Variants in OSBP2 observed in about 807,000 individuals in gnomAD.
OSBP2 encodes the protein oxysterol binding protein 2.
In OSBP2, 66 loss-of-function variants were observed where a neutral mutation model predicts 96.0. The ratio of observed to expected loss-of-function variants is 0.69; its 90% CI spans 0.56 to 0.84. The LOEUF is 0.84. OSBP2 is among the 40% of genes least tolerant of loss of function. The probability of loss-of-function intolerance (pLI) is 0.00; values close to 1 mark genes in which losing one functional copy is unlikely to be tolerated. For synonymous variants in OSBP2, 525 were observed against 520.9 expected (o/e 1.01, Z -0.11); for missense variants, 1,038 against 1,222.7 (o/e 0.85, Z 2.25).
At chr22:30,857,404 G>A (rs1434958530) in intron 2 of OSBP2, among the ~76,000 whole-genome samples, 1 of 152,204 alleles carries the variant, frequency 6.6e-6, no homozygotes, top group Non-Finnish European at 1.5e-5. Context: ...ACAGATGGAC[G>A]CTTTAAGCTG....
chr22:30,815,936 T>C (rs1265914758), intron 2 of OSBP2, among the ~76,000 whole-genome samples: 1 of 152,172 alleles, frequency 6.6e-6, no homozygotes, highest in Non-Finnish European at 1.5e-5. Context: ...TTTGCTTCTC[T>C]CGAATTATTT....
chr22:30,730,072 C>T (rs551772463), intron 1 of OSBP2, among the ~76,000 whole-genome samples: 9 of 152,188 alleles, frequency 5.9e-5, no homozygotes, highest in African/African-American at 1.4e-4. Flanking sequence ...AAGCGATTCT[C>T]GTGTCTCAGC....
chr22:30,887,910 T>TG (rs2039851584), intron 4 of OSBP2, among the ~76,000 whole-genome samples: 2 of 152,144 alleles, frequency 1.3e-5, no homozygotes, highest in Non-Finnish European at 2.9e-5. Context: ...AGCCTTGGGT[T>TG]GGGGGTCATG....
At chr22:30,781,142 ATTTT>A (rs136305) in intron 2 of OSBP2, among the ~76,000 whole-genome samples, 2 of 133,676 alleles carry the variant, frequency 1.5e-5, no homozygotes. Flanking sequence ...TGCCTGGCTA[ATTTT>A]TTTTTTTTTT....
intron 2 of OSBP2, among the ~76,000 whole-genome samples, chr22:30,802,805 G>A (rs1227279964): frequency 6.6e-6 from 1 of 152,248 alleles, no homozygotes; most frequent in African/African-American, 2.4e-5. Flanking sequence ...GCGGTGGGGA[G>A]GAGGCTGGAG....
rs1478562765 is a variant in OSBP2 at position 30,889,240 on chromosome 22, T to G, written c.1476+6T>G. On this transcript the variant is annotated splice_donor_region_variant and intron_variant, in intron 6 of 13. Coordinates refer to ENST00000332585, the MANE Select transcript of OSBP2 (RefSeq NM_030758.4). Reference sequence around the variant, plus strand: ...ACTGGAGCTCAGCAGACAATGTAAGTGAGGGGGAGCACTGTAAGGGCCAGA... The same window carrying G: ...ACTGGAGCTCAGCAGACAATGTAAGGGAGGGGGAGCACTGTAAGGGCCAGA... The G allele has an allele frequency of 1.2e-6, 2 of 1,609,394 alleles. No individual in the cohort carries two copies. Among genetic ancestry groups the G allele is most frequent in the South Asian group, 2.2e-5 (2 of 90,818 alleles).
intron 2 of OSBP2, among the ~76,000 whole-genome samples, chr22:30,809,764 A>G (rs902620731): frequency 2.6e-5 from 4 of 152,230 alleles, no homozygotes; most frequent in African/African-American, 4.8e-5. Context: ...AGGGGTACAC[A>G]TGGAAGCTGA....
intron 1 of OSBP2, among the ~76,000 whole-genome samples, chr22:30,698,386 T>C (rs2089090119): frequency 6.6e-6 from 1 of 152,088 alleles, no homozygotes; most frequent in Non-Finnish European, 1.5e-5. Flanking sequence ...CAGGGCCATT[T>C]CTCTTGCTGG....
Position 30,905,929 on chromosome 22 carries a change from G to T in OSBP2, c.2468G>T (p.Arg823Leu). 1 of 1,612,948 alleles carries T rather than the reference G, an allele frequency of 6.2e-7. No individual in the cohort carries two copies. Among genetic ancestry groups the T allele is most frequent in the Non-Finnish European group, 8.5e-7 (1 of 1,179,622 alleles). The change falls in exon 13 of 14, where the codon CGG becomes CTG. Residue 823 changes from arginine to leucine, a missense_variant. By Grantham distance (102) the Arg-to-Leu change is moderately radical (BLOSUM62 -2). This residue lies in a region of OSBP2 where 737 missense variants were observed against 913.3 expected (regional missense o/e 0.81). Coordinates refer to ENST00000332585, the MANE Select transcript of OSBP2 (RefSeq NM_030758.4). ...EGVAPTDSRL[R>L]PDQRLMEKGR... ...GTAGCGCCAACCGACAGCCGCCTGC[G>T]GCCCGACCAGCGGCTGATGGAGAAG...
intron 2 of OSBP2, among the ~76,000 whole-genome samples, chr22:30,800,562 G>C (rs1230219606): frequency 6.6e-6 from 1 of 152,214 alleles, no homozygotes; most frequent in African/African-American, 2.4e-5. Context: ...GGCAGGTTGG[G>C]GGTGGTTTAC....
At chr22:30,738,096 C>T (rs764344913) in intron 1 of OSBP2, among the ~76,000 whole-genome samples, 9 of 150,614 alleles carry the variant, frequency 6.0e-5, no homozygotes, top group Non-Finnish European at 1.0e-4. Flanking sequence ...TTTTTCAACT[C>T]CAGAAATATG....
At chr22:30,700,752 G>T (rs771104289) in intron 1 of OSBP2, among the ~76,000 whole-genome samples, 5 of 152,042 alleles carry the variant, frequency 3.3e-5, no homozygotes, top group Non-Finnish European at 5.9e-5. Context: ...ATTAGCCTAG[G>T]TCTATAAGGT....
chr22:30,716,533 G>A (rs1367547522), intron 1 of OSBP2, among the ~76,000 whole-genome samples: 1 of 151,856 alleles, frequency 6.6e-6, no homozygotes, highest in African/African-American at 2.4e-5. Context: ...CGCCTCCCAG[G>A]TTCAAGCAAT....
intron 1 of OSBP2, 150 bp downstream of exon 1, chr22:30,695,703 C>T: frequency 7.0e-7 from 1 of 1,420,346 alleles, no homozygotes; most frequent in Admixed American, 2.4e-5. Context: ...CGCTTCTGGC[C>T]CGCCGCCAAG....
intron 1 of OSBP2, among the ~76,000 whole-genome samples, chr22:30,705,853 G>C (rs1267740876): frequency 6.6e-6 from 1 of 152,180 alleles, no homozygotes; most frequent in African/African-American, 2.4e-5. Flanking sequence ...AGGAGGGGGA[G>C]GGAAGTGTGC....
At position 30,872,281 on chromosome 22, in the gene OSBP2, T is replaced by C. The variant is rs143554716; in HGVS notation, c.1107+1599T>C. On this transcript the variant is annotated intron_variant, in intron 3 of 13. Coordinates refer to ENST00000332585, the MANE Select transcript of OSBP2 (RefSeq NM_030758.4). ...TGTGAAGCACTGAATGACATAATAA[T>C]GCGTTTGTATTTCCCTGTCCCTCCC... is the stretch of plus-strand genomic sequence containing the variant. 2.9e-3 allele frequency: 1,307 copies of C among 456,646 alleles called. 4 individuals are homozygous for C. The highest frequency in any genetic ancestry group is 3.6e-3 in the Middle Eastern group (11 of 3,076). The allele number at this position is 456,646 out of a possible 1,614,324, so 28.3% of individuals were successfully genotyped here.
At chr22:30,837,554 TTGG>T (rs2038662177) in intron 2 of OSBP2, among the ~76,000 whole-genome samples, 1 of 152,208 alleles carries the variant, frequency 6.6e-6, no homozygotes, top group South Asian at 2.1e-4. Flanking sequence ...TACTTTTCTC[TTGG>T]TGCCTAGCTC....
intron 2 of OSBP2, among the ~76,000 whole-genome samples, chr22:30,752,003 C>T (rs1466702983): frequency 6.6e-6 from 1 of 152,112 alleles, no homozygotes; most frequent in East Asian, 1.9e-4. Context: ...GTACCTGTGT[C>T]AGTCACAGAG....
intron 12 of OSBP2, among the ~76,000 whole-genome samples, chr22:30,897,820 C>T (rs968459265): frequency 2.0e-5 from 3 of 151,930 alleles, no homozygotes; most frequent in African/African-American, 4.8e-5. Flanking sequence ...CGTGGTGGCA[C>T]GCACTTGTAA....
Sources: allele counts gnomAD v4.1 joint callset (sites outside exome capture counted in the v4.1 genomes callset), GRCh38; gene constraint gnomAD v4.1.1; regional missense constraint gnomAD v4.1.1; transcripts MANE v1.5; gene names NCBI Gene and HGNC (gene_info 2026-07-23, HGNC 2026-07-21).